Variants in SLC16A6 observed in about 807,000 individuals in gnomAD.
SLC16A6 encodes the protein monocarboxylate transporter 7.
A neutral mutation model predicts 33.8 loss-of-function variants in SLC16A6; 15 were observed. That is an observed-to-expected ratio of 0.44 (90% CI 0.30 to 0.68). The LOEUF (loss-of-function observed/expected upper bound fraction) is 0.68. Ranked by LOEUF, SLC16A6 falls within the 30% of genes least tolerant of loss-of-function variation. The pLI is 0.10. For synonymous variants in SLC16A6, 219 were observed against 248.4 expected (o/e 0.88, Z 1.11); for missense variants, 451 against 661.5 (o/e 0.68, Z 3.49).
chr17:68,278,299 G>C lies in SLC16A6; in HGVS notation c.22C>G (p.Leu8Val), dbSNP rs2075589832. 3.7e-6 allele frequency: 6 copies of C among 1,613,262 alleles called. No individual in the cohort carries two copies. The East Asian group carries it at 1.3e-4, about 36-fold the overall frequency. The change falls in exon 2 of 6, where the codon CTT (leucine) becomes GTT (valine). Residue 8 changes from leucine to valine, a missense_variant. Leu to Val is a conservative substitution (Grantham distance 32). Coordinates refer to ENST00000580666, the MANE Select transcript of SLC16A6 (RefSeq NM_004694.5). ...GTATACACATTGGCTTTGGAACAAAGCTTTAATTTATTTTGGGTCATTCTT... is the reference window on the plus strand; with the variant it reads ...GTATACACATTGGCTTTGGAACAAACCTTTAATTTATTTTGGGTCATTCTT... MTQNKLK[L>V]CSKANVYTEV...
At chr17:68,276,288 TAAAA>T (rs1555750878) in intron 2 of SLC16A6, among the ~76,000 whole-genome samples, 2 of 151,640 alleles carry the variant, frequency 1.3e-5, no homozygotes, top group Admixed American at 1.3e-4. Flanking sequence ...ACCCAAAGGG[TAAAA>T]ACATGTAGAA....
intron 1 of SLC16A6, among the ~76,000 whole-genome samples, chr17:68,281,173 A>C (rs1250346149): frequency 2.0e-5 from 3 of 152,064 alleles, no homozygotes; most frequent in Non-Finnish European, 4.4e-5. Context: ...AAGGGTAGAC[A>C]ATATTTGCAA....
rs150914087 is a variant in SLC16A6, at chr17:68,273,751, C to T, written c.376+176G>A. The T allele has an allele frequency of 7.7e-4, 469 of 610,406 alleles. 4 individuals are homozygous for T. Among genetic ancestry groups the T allele is most frequent in the African/African-American group, 7.7e-3 (421 of 54,956 alleles). The allele number at this position is 610,406 out of a possible 1,614,324, so 37.8% of individuals were successfully genotyped here. A position where few individuals can be genotyped will look rare whatever the true frequency, so the allele number is the denominator to read the frequency against. ...CCCTTGGGCACTTGAGAACAGATTC[C>T]CAGGTCCCCTGAAGTCCATATAGCT... On this transcript the variant is annotated intron_variant, in intron 3 of 5. Transcript: ENST00000580666.
intron 1 of SLC16A6, among the ~76,000 whole-genome samples, chr17:68,279,130 T>C (rs1353286636): frequency 6.6e-6 from 1 of 152,124 alleles, no homozygotes; most frequent in Non-Finnish European, 1.5e-5. Context: ...AATGCTGACC[T>C]TGAAGGACTC....
In SLC16A6 at chr17:68,271,476, A is replaced by T. The variant is rs1555748701; in HGVS notation, c.684T>A (p.Asn228Lys). 1 of 1,614,004 alleles carries T rather than the reference A, an allele frequency of 6.2e-7. No individual in the cohort carries two copies. The highest frequency in any genetic ancestry group is 8.5e-7 in the Non-Finnish European group (1 of 1,180,006). Residue 228 changes from asparagine (N) to lysine (K), a missense_variant, in exon 5 of 6, where the codon AAT becomes AAA. Physicochemically the swap from Asn to Lys is moderately conservative, Grantham distance 94. Coordinates refer to ENST00000580666, the MANE Select transcript of SLC16A6 (RefSeq NM_004694.5). The surrounding 1 kb of genome is among the most constrained non-coding windows in gnomAD (Gnocchi z 5.3). ...NRKEAQYMLE[N>K]EKTRTSIDSI... ...AGTCTATTGAGGTTCGTGTTTTCTC[A>T]TTTTCAAGCATATACTGCGCTTCTT...
chr17:68,283,719 A>G (rs1555753591), intron 1 of SLC16A6, among the ~76,000 whole-genome samples: 2 of 150,410 alleles, frequency 1.3e-5, no homozygotes, highest in Admixed American at 6.6e-5. Flanking sequence ...TACTAAAAAA[A>G]AATACAAAAT....
chr17:68,274,116 G>C (rs1360882206), intron 2 of SLC16A6, 46 bp from the exon 3 acceptor site: 1 of 1,591,816 alleles, frequency 6.3e-7, no homozygotes, highest in Non-Finnish European at 8.6e-7. Flanking sequence ...AGAGGCTTCA[G>C]GGTTAGCTGC....
intron 1 of SLC16A6, among the ~76,000 whole-genome samples, chr17:68,290,422 G>C (rs1244482955): frequency 5.9e-5 from 9 of 152,258 alleles, no homozygotes; most frequent in Non-Finnish European, 1.2e-4. Flanking sequence ...GGCGACACCA[G>C]CGCTTTCCTG....
At chr17:68,272,508 G>A in intron 4 of SLC16A6, 131 bp downstream of exon 4, 1 of 1,055,286 alleles carries the variant, frequency 9.5e-7, no homozygotes, top group Admixed American at 2.3e-5. Flanking sequence ...AGCTGGAGAA[G>A]AGACGTAAAT....
intron 1 of SLC16A6, among the ~76,000 whole-genome samples, chr17:68,285,117 G>A (rs979902408): frequency 9.9e-5 from 15 of 152,176 alleles, no homozygotes; most frequent in African/African-American, 3.4e-4. Flanking sequence ...CATCTGAAAT[G>A]CATCCTATGT....
Position 68,269,036 on chromosome 17 carries a change from C to T in SLC16A6, c.*60G>A, listed in dbSNP as rs1263737773. ...TAGCTCCTCTGCCTCCTTGTGTCCCCGTTGGGCCCACCCCATCCCTCTCCA... is the reference window on the plus strand; with the variant it reads ...TAGCTCCTCTGCCTCCTTGTGTCCCTGTTGGGCCCACCCCATCCCTCTCCA... On this transcript the variant is annotated 3_prime_UTR_variant, in exon 6 of 6. Coordinates refer to ENST00000580666, the MANE Select transcript of SLC16A6 (RefSeq NM_004694.5). The T allele has an allele frequency of 6.3e-6, 10 of 1,593,494 alleles. No homozygotes were observed. Among genetic ancestry groups the T allele is most frequent in the Admixed American group, 1.8e-5 (1 of 56,504 alleles).
intron 2 of SLC16A6, among the ~76,000 whole-genome samples, chr17:68,277,475 G>C (rs1365465427): frequency 6.6e-6 from 1 of 152,042 alleles, no homozygotes; most frequent in Non-Finnish European, 1.5e-5. Context: ...TGTTGCCCAG[G>C]CTGGAGTGCA....
intron 1 of SLC16A6, among the ~76,000 whole-genome samples, chr17:68,287,315 CCTT>C (rs756543688): frequency 7.3e-4 from 111 of 151,818 alleles, no homozygotes; most frequent in Middle Eastern, 6.8e-3. Flanking sequence ...GCATGCCCAG[CCTT>C]CTTCTTCTTC....
Position 68,268,914 on chromosome 17 carries a change from C to T in SLC16A6, c.*182G>A. On this transcript the variant is annotated 3_prime_UTR_variant, in exon 6 of 6. Coordinates refer to ENST00000580666, the MANE Select transcript of SLC16A6 (RefSeq NM_004694.5). Reference sequence around the variant, plus strand: ...TTTAAAAACAAGCAAAAAAAAAAAGCTTAAAACAAAACAAAACAAAACAAA... The same window carrying T: ...TTTAAAAACAAGCAAAAAAAAAAAGTTTAAAACAAAACAAAACAAAACAAA... 7.2e-7 allele frequency: 1 copy of T among 1,380,456 alleles called. No individual in the cohort carries two copies. The highest frequency in any genetic ancestry group is 9.7e-7 in the Non-Finnish European group (1 of 1,032,004). 85.5% of individuals were successfully genotyped at this position (1,380,456 alleles called of 1,614,324 possible).
At chr17:68,278,922 T>C (rs1186603509) in intron 1 of SLC16A6, among the ~76,000 whole-genome samples, 2 of 152,018 alleles carry the variant, frequency 1.3e-5, no homozygotes, top group Non-Finnish European at 2.9e-5. Flanking sequence ...ACCCAGCTGA[T>C]TGTTGAATAT....
At position 68,268,925 on chromosome 17, in the gene SLC16A6, A is replaced by G; in HGVS notation, c.*171T>C. On this transcript the variant is annotated 3_prime_UTR_variant, in exon 6 of 6. Transcript: ENST00000580666. ...GCAAAAAAAAAAAGCTTAAAACAAAACAAAACAAAACAAAAGCGATGTTGG... is the reference window on the plus strand; with the variant it reads ...GCAAAAAAAAAAAGCTTAAAACAAAGCAAAACAAAACAAAAGCGATGTTGG... 1 of 1,464,732 alleles carries G rather than the reference A, an allele frequency of 6.8e-7. No individual in the cohort carries two copies. The highest frequency in any genetic ancestry group is 2.4e-5 in the Admixed American group (1 of 41,852). 90.7% of individuals were successfully genotyped at this position (1,464,732 alleles called of 1,614,324 possible). A position where few individuals can be genotyped will look rare whatever the true frequency, so the allele number is the denominator to read the frequency against.
At chr17:68,274,787 T>C (rs1017561597) in intron 2 of SLC16A6, among the ~76,000 whole-genome samples, 10 of 148,690 alleles carry the variant, frequency 6.7e-5, no homozygotes, top group Non-Finnish European at 1.3e-4. Context: ...TTTCTTTCTT[T>C]TTTTTTTTTT....
At chr17:68,283,033 G>A (rs1263531085) in intron 1 of SLC16A6, 1 of 152,230 alleles carries the variant, frequency 6.6e-6, no homozygotes, top group Admixed American at 6.6e-5. Context: ...GAGGTGGGAG[G>A]ATTGCTTGAG....
chr17:68,276,807 G>C (rs1022928618), intron 2 of SLC16A6, among the ~76,000 whole-genome samples: 11 of 151,990 alleles, frequency 7.2e-5, no homozygotes, highest in African/African-American at 2.4e-4. Context: ...AAAACCCTTG[G>C]CAATTATTTC....
Sources: allele counts gnomAD v4.1 joint callset (sites outside exome capture counted in the v4.1 genomes callset), GRCh38; gene constraint gnomAD v4.1.1; non-coding constraint Gnocchi (gnomAD v3.1); transcripts MANE v1.5; gene names NCBI Gene and HGNC (gene_info 2026-07-23, HGNC 2026-07-21).